ADAM12: variants seen among roughly 807,000 people sequenced by gnomAD.
ADAM12 encodes the protein ADAM metallopeptidase domain 12, also known as disintegrin and metalloproteinase domain-containing protein 12.
Under a neutral mutation model 106.4 loss-of-function variants are expected in ADAM12, and 70 were observed. The observed-to-expected ratio is 0.66, with a 90% CI of 0.54 to 0.80. ADAM12 has a LOEUF of 0.80. Among genes scored for constraint, ADAM12 ranks in the 30% least tolerant of loss-of-function variants. The pLI is 0.00. For synonymous variants in ADAM12, 420 were observed against 433.5 expected (o/e 0.97, Z 0.39); for missense variants, 1,010 against 1,171.9 (o/e 0.86, Z 2.02).
Position 126,049,717 on chromosome 10 carries a change from T to A in ADAM12, c.1610-48A>T, listed in dbSNP as rs760348537. On this transcript the variant is annotated intron_variant, in intron 14 of 22. Coordinates refer to ENST00000448723, the MANE Select transcript of ADAM12 (RefSeq NM_001288973.2). The surrounding 1 kb of genome is among the most constrained non-coding windows in gnomAD (Gnocchi z 4.4). ...TTTTCATCTCCTGCAGGTGATTTTT[T>A]TTTTTTCATGGCTGTAGGCCTCTCA... 1 of 1,559,396 alleles carries A rather than the reference T, an allele frequency of 6.4e-7. No individual in the cohort carries two copies. The highest frequency in any genetic ancestry group is 8.8e-7 in the Non-Finnish European group (1 of 1,136,768).
chr10:126,110,145 A>G (rs544798076), intron 6 of ADAM12, among the ~76,000 whole-genome samples: 1 of 152,274 alleles, frequency 6.6e-6, no homozygotes, highest in East Asian at 1.9e-4. Flanking sequence ...GAGCACATAA[A>G]CAAACAAAAC....
chr10:126,325,772 C>T (rs1854279443), intron 2 of ADAM12, among the ~76,000 whole-genome samples: 1 of 152,148 alleles, frequency 6.6e-6, no homozygotes, highest in South Asian at 2.1e-4. Context: ...AATTTGGTTC[C>T]TAAAGACACT....
chr10:126,277,434 C>T (rs1333984966), intron 3 of ADAM12, among the ~76,000 whole-genome samples: 1 of 152,046 alleles, frequency 6.6e-6, no homozygotes, highest in African/African-American at 2.4e-5. Flanking sequence ...TCCAGCTGCC[C>T]ACCACAACAA....
chr10:126,182,512 C>T (rs543502775), intron 3 of ADAM12, among the ~76,000 whole-genome samples: 1 of 152,172 alleles, frequency 6.6e-6, no homozygotes, highest in East Asian at 1.9e-4. Context: ...CCTTTGTAGA[C>T]AAAAGACGTA....
chr10:126,334,267 C>A (rs191344351), intron 1 of ADAM12, among the ~76,000 whole-genome samples: 40 of 152,182 alleles, frequency 2.6e-4, no homozygotes, highest in Admixed American at 1.5e-3. Flanking sequence ...CTATAAAATA[C>A]ACAGTTTGCA....
intron 21 of ADAM12, among the ~76,000 whole-genome samples, chr10:126,034,523 GAACA>G (rs1333568762): frequency 6.6e-6 from 1 of 152,030 alleles, no homozygotes; most frequent in African/African-American, 2.4e-5. Context: ...AAACCAGAGA[GAACA>G]AACAGAATAA....
intron 3 of ADAM12, among the ~76,000 whole-genome samples, chr10:126,159,261 G>C (rs1458705281): frequency 3.2e-5 from 4 of 123,198 alleles, no homozygotes; most frequent in African/African-American, 1.3e-4. Context: ...AGTGAGCCGA[G>C]ATCATGCCAC....
intron 1 of ADAM12, among the ~76,000 whole-genome samples, chr10:126,381,489 T>C (rs1856490992): frequency 6.6e-6 from 1 of 151,914 alleles, no homozygotes; most frequent in African/African-American, 2.4e-5. Flanking sequence ...AATTTAAAAA[T>C]TATATTTTTT....
intron 4 of ADAM12, among the ~76,000 whole-genome samples, chr10:126,135,997 ATTG>A (rs1001002879): frequency 6.6e-6 from 1 of 152,210 alleles, no homozygotes; most frequent in African/African-American, 2.4e-5. Flanking sequence ...CCTCATGTAA[ATTG>A]TCTTTTGTAA....
intron 21 of ADAM12, among the ~76,000 whole-genome samples, chr10:126,030,509 A>G (rs1337659643): frequency 6.6e-6 from 1 of 152,202 alleles, no homozygotes; most frequent in East Asian, 1.9e-4. Context: ...GGCCTATATT[A>G]CCTATTAGCA....
chr10:126,016,567 A>G lies in ADAM12; in HGVS notation c.*712T>C, dbSNP rs1953665184. 1.3e-5 allele frequency: 2 copies of G among 152,288 alleles called. No individual in the cohort carries two copies. The highest frequency in any genetic ancestry group is 4.8e-5 in the African/African-American group (2 of 41,446). 9.4% of individuals were successfully genotyped at this position (152,288 alleles called of 1,614,324 possible). A position where few individuals can be genotyped will look rare whatever the true frequency, so the allele number is the denominator to read the frequency against. ...GTGACACTACAGACCCCTTCCAAACATGCTCACGGCTGGTCAGCTCAGGGT... is the reference window on the plus strand; with the variant it reads ...GTGACACTACAGACCCCTTCCAAACGTGCTCACGGCTGGTCAGCTCAGGGT... On this transcript the variant is annotated 3_prime_UTR_variant, in exon 23 of 23. Coordinates refer to ENST00000448723, the MANE Select transcript of ADAM12 (RefSeq NM_001288973.2).
At chr10:126,284,674 G>A (rs1424169982) in intron 2 of ADAM12, among the ~76,000 whole-genome samples, 2 of 152,134 alleles carry the variant, frequency 1.3e-5, no homozygotes, top group African/African-American at 2.4e-5. Flanking sequence ...AGGCTCGAGC[G>A]ATCACGGATG....
chr10:126,078,029 G>T (rs888020466), intron 11 of ADAM12, among the ~76,000 whole-genome samples: 3 of 152,004 alleles, frequency 2.0e-5, no homozygotes, highest in Non-Finnish European at 4.4e-5. Flanking sequence ...GCGAATATTA[G>T]ATTCCTCTAA....
chr10:126,336,847 T>A (rs1854718030), intron 1 of ADAM12, among the ~76,000 whole-genome samples: 1 of 152,138 alleles, frequency 6.6e-6, no homozygotes, highest in Non-Finnish European at 1.5e-5. Flanking sequence ...AGAAGCAGCA[T>A]AATATTTTGA....
At chr10:126,060,330 C>T (rs906846507) in intron 14 of ADAM12, among the ~76,000 whole-genome samples, 5 of 152,168 alleles carry the variant, frequency 3.3e-5, no homozygotes, top group Non-Finnish European at 5.9e-5. Context: ...GGAAGGGCTT[C>T]GTCCAGTCAG....
intron 3 of ADAM12, among the ~76,000 whole-genome samples, chr10:126,219,002 T>C (rs1958040098): frequency 6.6e-6 from 1 of 152,174 alleles, no homozygotes; most frequent in Non-Finnish European, 1.5e-5. Context: ...CAAGGTAATG[T>C]TACCCTCAAT....
chr10:126,257,694 C>T (rs529029584), intron 3 of ADAM12, among the ~76,000 whole-genome samples: 2 of 152,068 alleles, frequency 1.3e-5, no homozygotes, highest in Admixed American at 6.5e-5. Flanking sequence ...ATCCATCAAC[C>T]GTGGAGATGG....
intron 3 of ADAM12, among the ~76,000 whole-genome samples, chr10:126,181,526 A>G (rs1056555375): frequency 7.2e-5 from 11 of 152,330 alleles, no homozygotes; most frequent in African/African-American, 2.4e-4. Flanking sequence ...ATCTGTGTAC[A>G]TATCTGTCCA....
chr10:126,078,886 G>T lies in ADAM12; in HGVS notation c.1146-7232C>A, dbSNP rs113913753. 7.2e-4 allele frequency among the ~76,000 whole-genome samples: 110 copies of T among 152,182 alleles called. 2 individuals carry two copies. Among genetic ancestry groups the T allele is most frequent in the African/African-American group, 2.6e-3 (107 of 41,522 alleles). On this transcript the variant is annotated intron_variant, in intron 11 of 22. Coordinates refer to ENST00000448723, the MANE Select transcript of ADAM12 (RefSeq NM_001288973.2). The stretch of plus-strand genomic sequence containing the variant: ...ACCATTTTCTTTATTACCAGTGCCA[G>T]TTCAGCACTGGATGACCAGCAGTGA...
Sources: gnomAD v4.1 joint callset for allele counts (sites outside exome capture counted in the v4.1 genomes callset) on GRCh38, gnomAD v4.1.1 for gene constraint, Gnocchi (gnomAD v3.1) non-coding constraint, MANE v1.5 for transcripts, NCBI Gene and HGNC (gene_info 2026-07-23, HGNC 2026-07-21) for gene names.